The following NLGN4X variants were observed in gnomAD, a reference collection of about 807,000 sequenced individuals.
The protein encoded by NLGN4X is neuroligin 4 X-linked.
NLGN4X carries 3 observed loss-of-function variants against 40.3 expected under a neutral mutation model. The observed-to-expected ratio is 0.07, with a 90% CI of 0.03 to 0.19. The LOEUF (loss-of-function observed/expected upper bound fraction) is 0.19. Among genes scored for constraint, NLGN4X ranks in the 10% least tolerant of loss-of-function variants. The pLI is 1.00. For missense variants in NLGN4X, 382 were observed against 708.3 expected (o/e 0.54, Z 5.23); for synonymous variants, 270 against 306.8 (o/e 0.88, Z 1.25).
chrX:5,960,208 A>T (rs2034613245), intron 3 of NLGN4X, among the ~76,000 whole-genome samples: 1 of 109,412 alleles, frequency 9.1e-6, no homozygotes, highest in African/African-American at 3.3e-5. Context: ...TATTAAAAAC[A>T]GTAAATAAAG....
At chrX:6,047,817 A>T (rs2037367293) in intron 2 of NLGN4X, among the ~76,000 whole-genome samples, 1 of 111,807 alleles carries the variant, frequency 8.9e-6, no homozygotes, top group Admixed American at 9.4e-5. Context: ...TAAGGTGGTG[A>T]GGACGTGCAC....
chrX:5,921,891 A>G (rs773077499), intron 3 of NLGN4X, among the ~76,000 whole-genome samples: 12 of 111,282 alleles, frequency 1.1e-4, no homozygotes, highest in South Asian at 3.8e-4. Flanking sequence ...GCCGTGACAC[A>G]TAATGGGAAG....
At chrX:6,011,765 C>T (rs2036258121) in intron 3 of NLGN4X, among the ~76,000 whole-genome samples, 1 of 111,294 alleles carries the variant, frequency 9.0e-6, no homozygotes, top group African/African-American at 3.3e-5. Flanking sequence ...CGTTACTCAC[C>T]TGTCTTTAAA....
chrX:6,097,397 G>A (rs2038806207), intron 2 of NLGN4X, among the ~76,000 whole-genome samples: 1 of 111,064 alleles, frequency 9.0e-6, no homozygotes, highest in Admixed American at 9.6e-5. Context: ...TATAGCAGAG[G>A]CCAAAGAACA....
chrX:6,035,398 C>T (rs993705667), intron 2 of NLGN4X, among the ~76,000 whole-genome samples: 10 of 111,621 alleles, frequency 9.0e-5, no homozygotes, highest in Non-Finnish European at 1.3e-4. Flanking sequence ...GCCCTGAAGA[C>T]CTTCTCCTGT....
rs746590873 is a variant in NLGN4X, at chrX:6,195,726, AG to A, written c.-306+32814del. Reference sequence around the variant, plus strand: ...TGTTTCAGAAAATTTTACAATAATTAGTGTGCATTGTATCTGACTGGCTATA... The same window carrying A: ...TGTTTCAGAAAATTTTACAATAATTATGTGCATTGTATCTGACTGGCTATA... On this transcript the variant is annotated intron_variant, in intron 1 of 5. Coordinates refer to ENST00000381095, the MANE Select transcript of NLGN4X (RefSeq NM_181332.3). 2.7e-5 allele frequency among the ~76,000 whole-genome samples: 3 copies of A among 111,975 alleles called. No individual in the cohort carries two copies. In the East Asian group the frequency reaches 8.4e-4, roughly 31 times the overall value.
At chrX:6,117,918 C>A (rs1391945211) in intron 2 of NLGN4X, among the ~76,000 whole-genome samples, 1 of 110,867 alleles carries the variant, frequency 9.0e-6, no homozygotes, top group Non-Finnish European at 1.9e-5. Flanking sequence ...AGAAGTGGGG[C>A]TGATGATAGT....
chrX:6,033,474 T>C (rs1309568523), intron 2 of NLGN4X, among the ~76,000 whole-genome samples: 2 of 112,221 alleles, frequency 1.8e-5, no homozygotes, highest in Non-Finnish European at 3.8e-5. Context: ...TTATAGACCA[T>C]GTCCTATGTG....
intron 2 of NLGN4X, among the ~76,000 whole-genome samples, chrX:6,082,353 T>C (rs2038370238): frequency 1.0e-5 from 1 of 99,077 alleles, no homozygotes; most frequent in Non-Finnish European, 2.0e-5. Flanking sequence ...CTGGGCAATA[T>C]AGTGGGACTG....
At chrX:6,119,214 TTGAA>T (rs775213977) in intron 2 of NLGN4X, among the ~76,000 whole-genome samples, 4 of 111,936 alleles carry the variant, frequency 3.6e-5, no homozygotes, top group Admixed American at 9.6e-5. Context: ...TGGGTATTTG[TTGAA>T]TGAATGATTG....
chrX:6,047,034 T>C (rs1272306936), intron 2 of NLGN4X, among the ~76,000 whole-genome samples: 1 of 109,430 alleles, frequency 9.1e-6, no homozygotes, highest in Non-Finnish European at 1.9e-5. Flanking sequence ...TTAGGATATA[T>C]ACACATATAT....
At chrX:5,997,582 GTGTGTA>G (rs1372279556) in intron 3 of NLGN4X, among the ~76,000 whole-genome samples, 13 of 47,308 alleles carry the variant, frequency 2.7e-4, no homozygotes, top group African/African-American at 9.8e-4. Flanking sequence ...GTGTGTGTGT[GTGTGTA>G]TATATATATA....
intron 2 of NLGN4X, among the ~76,000 whole-genome samples, chrX:6,088,637 T>C (rs2038559213): frequency 8.9e-6 from 1 of 112,019 alleles, no homozygotes; most frequent in Admixed American, 9.5e-5. Context: ...TCAATGACCC[T>C]TAGGGATTAA....
intron 1 of NLGN4X, among the ~76,000 whole-genome samples, chrX:6,178,189 T>TA (rs1385975252): frequency 8.9e-6 from 1 of 112,240 alleles, no homozygotes; most frequent in Non-Finnish European, 1.9e-5. Context: ...AAAATGCAGA[T>TA]ATCCATCTTT....
chrX:5,897,744 T>C (rs1464678461), intron 5 of NLGN4X, among the ~76,000 whole-genome samples: 1 of 112,312 alleles, frequency 8.9e-6, no homozygotes, highest in African/African-American at 3.2e-5. Context: ...AGAGCCTCCG[T>C]AGGGACTTCC....
At chrX:5,925,924 A>G (rs2033294377) in intron 3 of NLGN4X, among the ~76,000 whole-genome samples, 1 of 55,143 alleles carries the variant, frequency 1.8e-5, no homozygotes, top group South Asian at 1.1e-3. Context: ...ATATATATAT[A>G]TATATATAAA....
At chrX:6,087,249 GTTTA>G (rs1469504165) in intron 2 of NLGN4X, among the ~76,000 whole-genome samples, 1 of 110,223 alleles carries the variant, frequency 9.1e-6, no homozygotes, top group Non-Finnish European at 1.9e-5. Flanking sequence ...TTAATAATTT[GTTTA>G]TTTTTTGACT....
At chrX:5,918,798 C>T (rs1327536510) in intron 3 of NLGN4X, among the ~76,000 whole-genome samples, 6 of 112,094 alleles carry the variant, frequency 5.4e-5, no homozygotes, top group Admixed American at 9.5e-5. Context: ...GCCTGAAGTC[C>T]GCAACTTTTC....
At chrX:6,063,750 A>C (rs2037831126) in intron 2 of NLGN4X, among the ~76,000 whole-genome samples, 1 of 112,490 alleles carries the variant, frequency 8.9e-6, no homozygotes, top group Admixed American at 9.4e-5. Flanking sequence ...GAATGCTTAA[A>C]AATCTTAGAG....
Sources: allele counts gnomAD v4.1 joint callset (sites outside exome capture counted in the v4.1 genomes callset), GRCh38; gene constraint gnomAD v4.1.1; transcripts MANE v1.5; gene names NCBI Gene and HGNC (gene_info 2026-07-23, HGNC 2026-07-21).